MTNR1A: variants seen among roughly 807,000 people sequenced by gnomAD.
MTNR1A encodes the protein melatonin receptor 1A, also known as melatonin receptor type 1A.
In MTNR1A, 7 loss-of-function variants were observed where a neutral mutation model predicts 5.5. That is an observed-to-expected ratio of 1.28 (90% CI 0.73 to 2.40). The LOEUF (loss-of-function observed/expected upper bound fraction) is 2.40. Among genes scored for constraint, MTNR1A ranks in the 30% most tolerant of loss-of-function variants. The pLI is 0.00. For missense variants in MTNR1A, 441 were observed against 464.4 expected, an observed-to-expected ratio of 0.95 and a Z score of 0.46; for synonymous variants, 196 against 202.7, an observed-to-expected ratio of 0.97 and a Z score of 0.28.
At chr4:186,536,402 C>T (rs1446109455) in intron 1 of MTNR1A, among the ~76,000 whole-genome samples, 1 of 151,824 alleles carries the variant, frequency 6.6e-6, no homozygotes, top group Non-Finnish European at 1.5e-5. Context: ...AGCAGCAGCA[C>T]CAGAGCACGC....
At chr4:186,544,998 T>C (rs937499623) in intron 1 of MTNR1A, among the ~76,000 whole-genome samples, 1 of 152,128 alleles carries the variant, frequency 6.6e-6, no homozygotes, top group African/African-American at 2.4e-5. Context: ...AGGCCCCAAC[T>C]TATGGATGAG....
chr4:186,536,325 G>A, intron 1 of MTNR1A, among the ~76,000 whole-genome samples: 1 of 149,398 alleles, frequency 6.7e-6, no homozygotes, highest in African/African-American at 2.5e-5. Context: ...CAGCCTGGGT[G>A]ACAAGAGCAA....
chr4:186,534,107 A>T lies in MTNR1A; in HGVS notation c.635T>A (p.Ile212Asn). 6.2e-7 allele frequency: 1 copy of T among 1,614,154 alleles called. No homozygotes were observed. The highest frequency in any genetic ancestry group is 8.5e-7 in the Non-Finnish European group (1 of 1,180,024). The change falls in exon 2 of 2, where the codon ATC becomes AAC. Residue 212 changes from isoleucine (I) to asparagine (N), a missense_variant. Coordinates refer to ENST00000307161, the MANE Select transcript of MTNR1A (RefSeq NM_005958.4). ...IVIFCYLRIW[I>N]LVLQVRQRVK... Reference sequence around the variant, plus strand: ...CCTCTGTCTGACCTGGAGAACCAGGATCCATATTCTCAGGTAACAGAAGAT... The same window carrying T: ...CCTCTGTCTGACCTGGAGAACCAGGTTCCATATTCTCAGGTAACAGAAGAT...
chr4:186,536,443 G>A (rs374724566), intron 1 of MTNR1A, among the ~76,000 whole-genome samples: 6 of 152,156 alleles, frequency 3.9e-5, no homozygotes, highest in Admixed American at 6.5e-5. Flanking sequence ...AAAGGGGTGC[G>A]CTGGACAGGG....
chr4:186,536,682 T>C (rs753015934), intron 1 of MTNR1A, among the ~76,000 whole-genome samples: 1 of 152,206 alleles, frequency 6.6e-6, no homozygotes, highest in Non-Finnish European at 1.5e-5. Context: ...GCAGTCAAGA[T>C]GAGAGAAAGG....
chr4:186,551,521 T>G (rs1339237538), intron 1 of MTNR1A, among the ~76,000 whole-genome samples: 1 of 151,996 alleles, frequency 6.6e-6, no homozygotes, highest in Non-Finnish European at 1.5e-5. Flanking sequence ...TACCTCATAA[T>G]GATAGATAGG....
At chr4:186,541,460 G>A (rs749448642) in intron 1 of MTNR1A, among the ~76,000 whole-genome samples, 7 of 148,074 alleles carry the variant, frequency 4.7e-5, no homozygotes, top group Non-Finnish European at 7.4e-5. Context: ...TGGTCAGCTC[G>A]ATCAGGTTGG....
At position 186,544,815 on chromosome 4, in the gene MTNR1A, C is replaced by T. The variant is rs185074165; in HGVS notation, c.185-10258G>A. On this transcript the variant is annotated intron_variant, in intron 1 of 1. Coordinates refer to ENST00000307161, the MANE Select transcript of MTNR1A (RefSeq NM_005958.4). ...TGTCTTTCAGAGGTGTTGTCGTAGACGCTGCTGGCGCATTTCTCCCCAAAG... is the reference window on the plus strand; with the variant it reads ...TGTCTTTCAGAGGTGTTGTCGTAGATGCTGCTGGCGCATTTCTCCCCAAAG... Among the ~76,000 whole-genome samples the T allele has an allele frequency of 5.3e-5, 8 of 152,282 alleles. 1 individual carries two copies. The highest frequency in any genetic ancestry group is 4.1e-4 in the South Asian group (2 of 4,828).
At chr4:186,548,024 A>G (rs889297735) in intron 1 of MTNR1A, among the ~76,000 whole-genome samples, 4 of 152,210 alleles carry the variant, frequency 2.6e-5, no homozygotes, top group African/African-American at 9.7e-5. Context: ...AATTACTGAT[A>G]CTGTACCTTT....
chr4:186,534,249 C>A lies in MTNR1A; in HGVS notation c.493G>T (p.Ala165Ser). The A allele has an allele frequency of 6.2e-7, 1 of 1,614,076 alleles. No individual in the cohort carries two copies. The highest frequency in any genetic ancestry group is 8.5e-7 in the Non-Finnish European group (1 of 1,180,014). ...CTCGGGTCGTACTGGAGAGTCCCTGCACGGAGGTTGGGCAGGACGGCCGCC... is the reference window on the plus strand; with the variant it reads ...CTCGGGTCGTACTGGAGAGTCCCTGAACGGAGGTTGGGCAGGACGGCCGCC... Reference protein sequence around the residue: ...TLAAVLPNLRAGTLQYDPRIY... With the variant: ...TLAAVLPNLRSGTLQYDPRIY... Residue 165 changes from alanine to serine, a missense_variant, in exon 2 of 2, where the codon GCA (alanine) becomes TCA (serine). Physicochemically the swap from Ala to Ser is moderately conservative, Grantham distance 99. Transcript: ENST00000307161.
At chr4:186,553,265 C>T (rs1459823331) in intron 1 of MTNR1A, among the ~76,000 whole-genome samples, 1 of 152,192 alleles carries the variant, frequency 6.6e-6, no homozygotes, top group East Asian at 1.9e-4. Flanking sequence ...AATTACCATC[C>T]ATTCCAGAAA....
intron 1 of MTNR1A, among the ~76,000 whole-genome samples, chr4:186,543,464 T>G (rs1431315836): frequency 6.6e-6 from 1 of 152,230 alleles, no homozygotes; most frequent in Non-Finnish European, 1.5e-5. Flanking sequence ...AAATACCCAC[T>G]GTGGCCACCT....
intron 1 of MTNR1A, among the ~76,000 whole-genome samples, chr4:186,537,262 G>A (rs1452360910): frequency 6.6e-6 from 1 of 152,120 alleles, no homozygotes. Flanking sequence ...CCTGGGGGGT[G>A]TGTGGTGTCT....
intron 1 of MTNR1A, among the ~76,000 whole-genome samples, chr4:186,548,739 G>A (rs1237296362): frequency 4.5e-5 from 6 of 134,042 alleles, no homozygotes; most frequent in Non-Finnish European, 9.4e-5. Flanking sequence ...TGTTTCAGAG[G>A]GACACATCCC....
At chr4:186,535,213 G>C (rs181218199) in intron 1 of MTNR1A, among the ~76,000 whole-genome samples, 171 of 152,146 alleles carry the variant, frequency 1.1e-3, no homozygotes, top group African/African-American at 3.3e-3. Context: ...TGTGGTGAGC[G>C]CCATGTACCG....
chr4:186,537,723 T>C (rs1560893664), intron 1 of MTNR1A, among the ~76,000 whole-genome samples: 1 of 152,250 alleles, frequency 6.6e-6, no homozygotes, highest in Non-Finnish European at 1.5e-5. Context: ...GTGAGTGTTG[T>C]TCAATGTTAT....
Position 186,555,352 on chromosome 4 carries a change from C to T in MTNR1A, c.14G>A (p.Gly5Asp), listed in dbSNP as rs1449411078. MQGN[G>D]SALPNASQPV... ...CTGGGAGGCGTTGGGCAGCGCGCTG[C>T]CGTTGCCCTGCATGGTCCCTGTGCG... Residue 5 changes from glycine to aspartate, a missense_variant, in exon 1 of 2, where the codon GGC becomes GAC. Physicochemically the swap from Gly to Asp is moderately conservative, Grantham distance 94. Coordinates refer to ENST00000307161, the MANE Select transcript of MTNR1A (RefSeq NM_005958.4). This position sits in a 1 kb window ranked among gnomAD's most constrained non-coding sequence, Gnocchi z 4.1. 2 of 1,539,662 alleles carry T rather than the reference C, an allele frequency of 1.3e-6. No individual in the cohort carries two copies. Among genetic ancestry groups the T allele is most frequent in the African/African-American group, 1.4e-5 (1 of 72,410 alleles).
At chr4:186,545,609 C>T (rs1237043727) in intron 1 of MTNR1A, among the ~76,000 whole-genome samples, 1 of 152,096 alleles carries the variant, frequency 6.6e-6, no homozygotes, top group Non-Finnish European at 1.5e-5. Context: ...TGGTTTTTCC[C>T]AGCAGGTCAA....
intron 1 of MTNR1A, among the ~76,000 whole-genome samples, chr4:186,546,736 C>T (rs1162501160): frequency 6.9e-6 from 1 of 145,930 alleles, no homozygotes. Context: ...CCTGTTCATA[C>T]AACACACCAT....
Sources: allele counts gnomAD v4.1 joint callset (sites outside exome capture counted in the v4.1 genomes callset), GRCh38; gene constraint gnomAD v4.1.1; non-coding constraint Gnocchi (gnomAD v3.1); transcripts MANE v1.5; gene names NCBI Gene and HGNC (gene_info 2026-07-23, HGNC 2026-07-21).